Variants in PSMD14 observed in about 807,000 individuals in gnomAD.
PSMD14 encodes ubiquitin C-terminal hydrolase PSMD14.
Under a neutral mutation model 41.2 loss-of-function variants are expected in PSMD14, and 7 were observed. That is an observed-to-expected ratio of 0.17 (90% CI 0.10 to 0.32). The LOEUF (loss-of-function observed/expected upper bound fraction) is 0.32, where lower values mean the gene tolerates loss of function less well. PSMD14 is among the 10% of genes least tolerant of loss of function. The pLI is 1.00. For synonymous variants in PSMD14, 114 were observed against 122.3 expected (o/e 0.93, Z 0.45); for missense variants, 139 against 375.6 (o/e 0.37, Z 5.21).
At chr2:161,374,291 G>GGTATTAT (rs1189804419) in intron 7 of PSMD14, among the ~76,000 whole-genome samples, 1 of 151,792 alleles carries the variant, frequency 6.6e-6, no homozygotes, top group Non-Finnish European at 1.5e-5. Context: ...GTTTTCTGTA[G>GGTATTAT]GTATTATGTA....
intron 3 of PSMD14, among the ~76,000 whole-genome samples, chr2:161,346,506 A>AT (rs902092591): frequency 2.0e-5 from 3 of 147,050 alleles, no homozygotes; most frequent in Admixed American, 6.8e-5. Context: ...TGTGGGCCAT[A>AT]TTTTTTTTGC....
At chr2:161,334,387 G>A (rs1216846824) in intron 3 of PSMD14, among the ~76,000 whole-genome samples, 2 of 152,172 alleles carry the variant, frequency 1.3e-5, no homozygotes, top group Non-Finnish European at 2.9e-5. Context: ...TGGCCACAGT[G>A]TCTTTTTTGT....
chr2:161,345,088 T>G (rs1016291839), intron 3 of PSMD14, among the ~76,000 whole-genome samples: 2 of 152,204 alleles, frequency 1.3e-5, no homozygotes, highest in African/African-American at 2.4e-5. Context: ...TGCTTCTGGA[T>G]GTAGATACTC....
intron 3 of PSMD14, among the ~76,000 whole-genome samples, chr2:161,331,818 A>G (rs544513699): frequency 6.6e-6 from 1 of 152,312 alleles, no homozygotes; most frequent in South Asian, 2.1e-4. Context: ...GATGCTGAGT[A>G]CCTTCCTTAT....
At chr2:161,383,554 C>A (rs1683595574) in intron 7 of PSMD14, 1 of 151,384 alleles carries the variant, frequency 6.6e-6, no homozygotes, top group Non-Finnish European at 1.5e-5. Context: ...ATAATATAGA[C>A]TTCTACAAGT....
chr2:161,387,626 A>G (rs1038279830), intron 8 of PSMD14, among the ~76,000 whole-genome samples: 11 of 152,042 alleles, frequency 7.2e-5, no homozygotes, highest in African/African-American at 2.7e-4. Flanking sequence ...AGAAAAGATT[A>G]TAAAACAGAA....
chr2:161,315,026 A>T (rs1292883456), intron 1 of PSMD14, among the ~76,000 whole-genome samples: 4 of 152,232 alleles, frequency 2.6e-5, no homozygotes, highest in Non-Finnish European at 4.4e-5. Flanking sequence ...TGAGAAAATT[A>T]ATCTAGGGTA....
At chr2:161,376,347 C>T (rs1446432902) in intron 7 of PSMD14, among the ~76,000 whole-genome samples, 2 of 151,546 alleles carry the variant, frequency 1.3e-5, no homozygotes, top group African/African-American at 4.8e-5. Context: ...GATTAGAGTA[C>T]ACATGTCATA....
intron 3 of PSMD14, among the ~76,000 whole-genome samples, chr2:161,364,556 C>A (rs1174689569): frequency 2.0e-5 from 3 of 152,120 alleles, no homozygotes; most frequent in Admixed American, 6.5e-5. Context: ...TCTTACATAC[C>A]TCTCTGAGCT....
intron 10 of PSMD14, among the ~76,000 whole-genome samples, chr2:161,396,973 G>GC (rs1490243326): frequency 5.9e-5 from 9 of 151,896 alleles, no homozygotes; most frequent in Non-Finnish European, 1.3e-4. Flanking sequence ...GATTACAGGC[G>GC]CCCGCTGCAA....
intron 3 of PSMD14, among the ~76,000 whole-genome samples, chr2:161,335,040 C>T (rs1348803433): frequency 5.9e-5 from 9 of 152,248 alleles, no homozygotes; most frequent in African/African-American, 2.2e-4. Flanking sequence ...TAACCTCTAC[C>T]ATGCCTCAGA....
intron 1 of PSMD14, among the ~76,000 whole-genome samples, chr2:161,314,055 T>C (rs1689121963): frequency 6.6e-6 from 1 of 152,240 alleles, no homozygotes; most frequent in African/African-American, 2.4e-5. Flanking sequence ...TTGTTGAAGA[T>C]AGGATGGCCA....
intron 9 of PSMD14, 35 bp downstream of exon 9, chr2:161,391,213 A>C (rs1683707105): frequency 3.4e-6 from 5 of 1,478,870 alleles, no homozygotes; most frequent in Non-Finnish European, 4.5e-6. Flanking sequence ...GGAGGAAAAA[A>C]ATCTTTTTCA....
chr2:161,323,595 G>A (rs1682642876), intron 3 of PSMD14, among the ~76,000 whole-genome samples: 1 of 152,048 alleles, frequency 6.6e-6, no homozygotes, highest in South Asian at 2.1e-4. Context: ...CCCAGGAGGT[G>A]GAGGTTGCAG....
chr2:161,312,701 C>T (rs906519525), intron 1 of PSMD14, among the ~76,000 whole-genome samples: 1 of 152,194 alleles, frequency 6.6e-6, no homozygotes, highest in Non-Finnish European at 1.5e-5. Context: ...TTTGAGTCTT[C>T]TACTTTTTGA....
At chr2:161,359,666 C>T (rs1683261976) in intron 3 of PSMD14, among the ~76,000 whole-genome samples, 2 of 152,062 alleles carry the variant, frequency 1.3e-5, no homozygotes, top group Admixed American at 6.6e-5. Flanking sequence ...ATACTAACTA[C>T]TTTTGAATAG....
intron 9 of PSMD14, among the ~76,000 whole-genome samples, chr2:161,393,339 GAAGGA>G (rs1683740858): frequency 2.0e-5 from 3 of 152,154 alleles, no homozygotes; most frequent in African/African-American, 7.2e-5. Context: ...GAGAAGCTAG[GAAGGA>G]ATCAGAGAAA....
chr2:161,390,752 A>G (rs1018309760), intron 8 of PSMD14, among the ~76,000 whole-genome samples: 1 of 152,166 alleles, frequency 6.6e-6, no homozygotes, highest in African/African-American at 2.4e-5. Context: ...CATTTGAAAT[A>G]CCCATGAGCC....
intron 3 of PSMD14, among the ~76,000 whole-genome samples, chr2:161,362,077 A>T (rs1398237814): frequency 2.0e-5 from 3 of 152,004 alleles, no homozygotes; most frequent in East Asian, 1.9e-4. Context: ...AATTAAAAAA[A>T]TTTTTTTGAG....
Sources: gnomAD v4.1 joint callset for allele counts (sites outside exome capture counted in the v4.1 genomes callset) on GRCh38, gnomAD v4.1.1 for gene constraint, MANE v1.5 for transcripts, NCBI Gene and HGNC (gene_info 2026-07-23, HGNC 2026-07-21) for gene names.